ABCB4: variants seen among roughly 807,000 people sequenced by gnomAD.
ABCB4 encodes the protein ATP binding cassette subfamily B member 4.
Under a neutral mutation model 145.7 loss-of-function variants are expected in ABCB4, and 76 were observed. The observed-to-expected ratio is 0.52, with a 90% CI of 0.43 to 0.63. The LOEUF (loss-of-function observed/expected upper bound fraction) is 0.63, where lower values mean the gene tolerates loss of function less well. Ranked by LOEUF, ABCB4 falls within the 30% of genes least tolerant of loss-of-function variation. The pLI, the probability that ABCB4 is intolerant of heterozygous loss-of-function variation, is 0.00. For synonymous variants in ABCB4, 517 were observed against 566.8 expected, an observed-to-expected ratio of 0.91 and a Z score of 1.25; for missense variants, 1,234 against 1,553.1, an observed-to-expected ratio of 0.79 and a Z score of 3.45.
At chr7:87,377,234 T>G in the ABCB4 span, 1 of 596,072 alleles carries the variant, frequency 1.7e-6, no homozygotes, top group Non-Finnish European at 2.9e-6. Context: ...ATTATGATTT[T>G]ATTAAATTTG....
the ABCB4 span, among the ~76,000 whole-genome samples, chr7:87,387,626 G>A: frequency 6.6e-6 from 1 of 152,068 alleles, no homozygotes; most frequent in African/African-American, 2.4e-5. Flanking sequence ...TTACAATAAA[G>A]TAAACTAGAG....
chr7:87,456,991 A>T (rs1339894569), intron 4 of ABCB4, among the ~76,000 whole-genome samples: 4 of 152,216 alleles, frequency 2.6e-5, no homozygotes, highest in Non-Finnish European at 2.9e-5. Context: ...CTACATGGTC[A>T]TTTGGCTTGG....
At chr7:87,378,329 G>A in the ABCB4 span, among the ~76,000 whole-genome samples, 2 of 125,516 alleles carry the variant, frequency 1.6e-5, no homozygotes, top group African/African-American at 6.0e-5. Flanking sequence ...CTGGGAAACA[G>A]ACTGAGACTC....
At chr7:87,457,326 C>T (rs180918520) in intron 4 of ABCB4, among the ~76,000 whole-genome samples, 1 of 152,310 alleles carries the variant, frequency 6.6e-6, no homozygotes, top group African/African-American at 2.4e-5. Flanking sequence ...AGGAGGATTA[C>T]TTGAGCCCAG....
chr7:87,446,567 A>C (rs896489444), intron 9 of ABCB4, among the ~76,000 whole-genome samples: 11 of 152,206 alleles, frequency 7.2e-5, no homozygotes, highest in African/African-American at 2.7e-4. Flanking sequence ...TCATAAAATG[A>C]AGCTATCTTC....
intron 12 of ABCB4, among the ~76,000 whole-genome samples, chr7:87,442,645 AAC>A (rs990253642): frequency 6.6e-6 from 1 of 151,912 alleles, no homozygotes; most frequent in Admixed American, 6.6e-5. Context: ...CACACACATA[AAC>A]ACACACATAC....
Position 87,475,367 on chromosome 7 carries a change from G to A in ABCB4, c.80+19C>T. The A allele has an allele frequency of 6.2e-7, 1 of 1,614,180 alleles. No individual in the cohort carries two copies. Among genetic ancestry groups the A allele is most frequent in the Non-Finnish European group, 8.5e-7 (1 of 1,179,972 alleles). On this transcript the variant is annotated intron_variant, in intron 2 of 27. Transcript: ENST00000649586. ...TGATTGGCGTGTAACGGAAAAGCCA[G>A]TGGCTGCTGGGGATGTACCTGCTGA...
chr7:87,408,048 C>G lies in ABCB4; in HGVS notation c.3268G>C (p.Ala1090Pro), dbSNP rs1562950481. Reference protein sequence around the residue: ...QLLERFYDPLAGTVLLDGQEA... With the variant: ...QLLERFYDPLPGTVLLDGQEA... ...GGAAATGTGCTCACCACTGTCCCCG[C>G]CAAGGGGTCGTAGAACCGCTCCAGG... The change falls in exon 25 of 28, where the codon GCG becomes CCG. Residue 1090 changes from alanine to proline, a missense_variant. Physicochemically the swap from Ala to Pro is conservative, Grantham distance 27. Around this residue, in one of 7 missense-constraint regions of ABCB4, gnomAD observed 301 missense variants for 389.0 expected, o/e 0.77. Coordinates refer to ENST00000649586, the MANE Select transcript of ABCB4 (RefSeq NM_000443.4). 1 of 1,613,874 alleles carries G rather than the reference C, an allele frequency of 6.2e-7. No homozygotes were observed. The highest frequency in any genetic ancestry group is 8.5e-7 in the Non-Finnish European group (1 of 1,180,026).
Position 87,413,611 on chromosome 7 carries a change from C to A in ABCB4, c.2783+6G>T. The A allele has an allele frequency of 6.4e-7, 1 of 1,561,064 alleles. No individual in the cohort carries two copies. The highest frequency in any genetic ancestry group is 1.1e-5 in the South Asian group (1 of 89,972). On this transcript the variant is annotated splice_donor_region_variant and intron_variant, in intron 22 of 27. Coordinates refer to ENST00000649586, the MANE Select transcript of ABCB4 (RefSeq NM_000443.4). Reference sequence around the variant, plus strand: ...GGTTCTTAGCAGGAATCATATGGTTCATTACCTGTAAGGTCCATACAATTT... The same window carrying A: ...GGTTCTTAGCAGGAATCATATGGTTAATTACCTGTAAGGTCCATACAATTT...
intron 3 of ABCB4, 58 bp downstream of exon 3, chr7:87,472,563 A>T: frequency 7.0e-7 from 1 of 1,420,524 alleles, no homozygotes; most frequent in Non-Finnish European, 9.9e-7. Flanking sequence ...TAATTGATTC[A>T]ATACCTCAAA....
At chr7:87,452,669 A>T (rs946469194) in intron 6 of ABCB4, 3 of 504,472 alleles carry the variant, frequency 5.9e-6, no homozygotes, top group Non-Finnish European at 3.6e-6. Flanking sequence ...ACAGTCTAGC[A>T]CCTGTCACGT....
chr7:87,457,487 C>T (rs1002686391), intron 4 of ABCB4, among the ~76,000 whole-genome samples: 1 of 152,120 alleles, frequency 6.6e-6, no homozygotes, highest in South Asian at 2.1e-4. Flanking sequence ...GAATGCCTCC[C>T]GTAGTAAGGA....
chr7:87,393,160 A>G, the ABCB4 span: 1 of 1,327,512 alleles, frequency 7.5e-7, no homozygotes, highest in Non-Finnish European at 1.0e-6. Context: ...TGATTCTTAT[A>G]TTGCCATCTG....
intron 3 of ABCB4, among the ~76,000 whole-genome samples, chr7:87,466,124 C>T (rs1222453385): frequency 6.6e-6 from 1 of 152,040 alleles, no homozygotes; most frequent in Non-Finnish European, 1.5e-5. Flanking sequence ...AAGTTCGAAC[C>T]CATGGCAAAG....
intron 8 of ABCB4, 147 bp from the exon 9 acceptor site, chr7:87,447,352 T>G (rs1584755320): frequency 2.6e-6 from 2 of 755,598 alleles, no homozygotes; most frequent in Non-Finnish European, 4.3e-6. Flanking sequence ...CTTTGGGAAT[T>G]GAACTAATTC....
downstream of ABCB4, among the ~76,000 whole-genome samples, chr7:87,397,229 T>A (rs992696474): frequency 3.3e-5 from 5 of 151,936 alleles, no homozygotes; most frequent in Non-Finnish European, 7.4e-5. Flanking sequence ...CACACACCTG[T>A]AGTCTGAGTT....
chr7:87,458,779 A>G (rs1812266435), intron 4 of ABCB4, among the ~76,000 whole-genome samples: 1 of 152,220 alleles, frequency 6.6e-6, no homozygotes, highest in Non-Finnish European at 1.5e-5. Context: ...AATGAGAAAC[A>G]TGGCTACAGG....
the ABCB4 span, among the ~76,000 whole-genome samples, chr7:87,366,916 C>T: frequency 6.6e-6 from 1 of 152,172 alleles, no homozygotes; most frequent in Non-Finnish European, 1.5e-5. Flanking sequence ...CCTTGGTTAG[C>T]TTATTCTTTC....
the ABCB4 span, among the ~76,000 whole-genome samples, chr7:87,386,523 AATTT>A: frequency 2.0e-5 from 3 of 152,118 alleles, no homozygotes; most frequent in Admixed American, 6.6e-5. Context: ...TTCATCTCTG[AATTT>A]ATTTATTTGA....
Sources: allele counts gnomAD v4.1 joint callset (sites outside exome capture counted in the v4.1 genomes callset), GRCh38; gene constraint gnomAD v4.1.1; regional missense constraint gnomAD v4.1.1; transcripts MANE v1.5; gene names NCBI Gene and HGNC (gene_info 2026-07-23, HGNC 2026-07-21).